Variants in SMCO2 observed in about 807,000 individuals in gnomAD.
SMCO2 encodes the protein single-pass membrane protein with coiled-coil domains 2, also known as single-pass membrane and coiled-coil domain-containing protein 2.
SMCO2 carries 25 observed loss-of-function variants against 29.5 expected under a neutral mutation model. That is an observed-to-expected ratio of 0.85 (90% confidence interval 0.62 to 1.18). SMCO2 has a LOEUF of 1.18. SMCO2 is among the 50% of genes most tolerant of loss of function. The probability of loss-of-function intolerance (pLI) is 0.00; values close to 1 mark genes in which losing one functional copy is unlikely to be tolerated. For synonymous variants in SMCO2, 117 were observed against 123.3 expected (o/e 0.95, Z 0.34); for missense variants, 348 against 344.5 (o/e 1.01, Z -0.08).
chr12:27,490,225 G>A (rs949660630), intron 5 of SMCO2, among the ~76,000 whole-genome samples: 4 of 152,212 alleles, frequency 2.6e-5, no homozygotes, highest in Admixed American at 2.6e-4. Flanking sequence ...TGAATCACAT[G>A]CATTACAGTA....
At chr12:27,428,818 C>CTTTTTTTT in the SMCO2 span, among the ~76,000 whole-genome samples, 2 of 130,046 alleles carry the variant, frequency 1.5e-5, no homozygotes, top group South Asian at 2.5e-4. Context: ...AATAAATGTA[C>CTTTTTTTT]TTTTTTTTTT....
the SMCO2 span, among the ~76,000 whole-genome samples, chr12:27,451,860 C>T: frequency 2.2e-4 from 33 of 152,352 alleles, no homozygotes; most frequent in South Asian, 2.1e-3. Flanking sequence ...CCCAACTACC[C>T]TCCTTCTTGC....
intron 4 of SMCO2, 37 bp from the exon 6 acceptor site, chr12:27,488,423 T>G (rs1355005988): frequency 3.2e-5 from 44 of 1,374,566 alleles, no homozygotes; most frequent in Non-Finnish European, 4.2e-5. Context: ...GTGATTTTTC[T>G]TAATCTGCAG....
Position 27,499,324 on chromosome 12 carries a change from A to G in SMCO2, c.684-2599A>G, listed in dbSNP as rs766726485. Among the ~76,000 whole-genome samples, 20 of 150,900 alleles carry G rather than the reference A, an allele frequency of 1.3e-4. 1 individual carries two copies. Among genetic ancestry groups the G allele is most frequent in the Non-Finnish European group, 2.1e-4 (14 of 67,932 alleles). ...GAAAACATTGTGCTCAGTGAAAGACAGCCAGACACAGAGGGATATCCAAAT... is the reference window on the plus strand; with the variant it reads ...GAAAACATTGTGCTCAGTGAAAGACGGCCAGACACAGAGGGATATCCAAAT... On this transcript the variant is annotated intron_variant, in intron 7 of 7. Coordinates refer to ENST00000298876, the Ensembl canonical transcript of SMCO2.
At chr12:27,451,889 C>T in the SMCO2 span, among the ~76,000 whole-genome samples, 347 of 152,312 alleles carry the variant, frequency 2.3e-3, no homozygotes, top group African/African-American at 8.0e-3. Context: ...CTAGAATCCT[C>T]CTGGGCCTGT....
the SMCO2 span, among the ~76,000 whole-genome samples, chr12:27,452,926 G>A: frequency 6.6e-6 from 1 of 152,148 alleles, no homozygotes; most frequent in African/African-American, 2.4e-5. Context: ...TATGGGCATC[G>A]TAGCTTTCTT....
rs182596689 is a variant in SMCO2, at chr12:27,497,931, G to A, written c.683+2076G>A. 9.0e-5 allele frequency: 30 copies of A among 333,446 alleles called. 2 individuals are homozygous for A. The highest frequency in any genetic ancestry group is 3.4e-4 in the East Asian group (4 of 11,640). The allele number at this position is 333,446 out of a possible 1,614,324, so 20.7% of individuals were successfully genotyped here. A position where few individuals can be genotyped will look rare whatever the true frequency, so the allele number is the denominator to read the frequency against. ...GATCCTAAAGTAACTAGAGTCTCCC[G>A]TGCTGGATTTGGTGTGTTGCTAGGG... On this transcript the variant is annotated intron_variant, in intron 7 of 7. Coordinates refer to ENST00000298876, the Ensembl canonical transcript of SMCO2.
At chr12:27,492,978 TA>T (rs1942944941) in intron 5 of SMCO2, among the ~76,000 whole-genome samples, 1 of 152,186 alleles carries the variant, frequency 6.6e-6, no homozygotes, top group South Asian at 2.1e-4. Flanking sequence ...GTGATACATA[TA>T]TACCATGGAA....
chr12:27,427,747 C>T, the SMCO2 span, among the ~76,000 whole-genome samples: 2 of 152,084 alleles, frequency 1.3e-5, no homozygotes, highest in Non-Finnish European at 2.9e-5. Flanking sequence ...AACCACACAG[C>T]GGGCTCTTCT....
At chr12:27,458,926 G>A in the SMCO2 span, among the ~76,000 whole-genome samples, 19 of 148,400 alleles carry the variant, frequency 1.3e-4, no homozygotes, top group African/African-American at 3.0e-4. Context: ...GGTGGCTCAC[G>A]CCTGTAATCC....
intron 4 of SMCO2, among the ~76,000 whole-genome samples, chr12:27,484,851 C>CA (rs35818629): frequency 0.014 from 1,014 of 72,928 alleles, 15 homozygotes; most frequent in Middle Eastern, 0.036. Flanking sequence ...GACTCCATCT[C>CA]AAAAAAAAAA....
chr12:27,433,937 G>A, the SMCO2 span, among the ~76,000 whole-genome samples: 1 of 152,166 alleles, frequency 6.6e-6, no homozygotes, highest in South Asian at 2.1e-4. Context: ...ACATGGTCTG[G>A]CTCTGTCACC....
At chr12:27,459,034 A>C in the SMCO2 span, among the ~76,000 whole-genome samples, 37 of 151,408 alleles carry the variant, frequency 2.4e-4, no homozygotes, top group Non-Finnish European at 5.5e-4. Flanking sequence ...AAAAATACAA[A>C]AAATTAGCTG....
At chr12:27,478,043 G>A (rs1486013019) in intron 4 of SMCO2, among the ~76,000 whole-genome samples, 1 of 152,054 alleles carries the variant, frequency 6.6e-6, no homozygotes, top group African/African-American at 2.4e-5. Flanking sequence ...CCAATTTTAT[G>A]CATTGGCTTT....
At chr12:27,488,860 G>T (rs1326299137) in intron 5 of SMCO2, among the ~76,000 whole-genome samples, 1 of 152,128 alleles carries the variant, frequency 6.6e-6, no homozygotes, top group Admixed American at 6.5e-5. Flanking sequence ...ACGGTACAGA[G>T]AATACATCCA....
At chr12:27,471,540 G>A (rs1368994541) in intron 2 of SMCO2, among the ~76,000 whole-genome samples, 1 of 152,114 alleles carries the variant, frequency 6.6e-6, no homozygotes, top group East Asian at 1.9e-4. Flanking sequence ...AAAAGCATAC[G>A]AGAGGGAACA....
the SMCO2 span, among the ~76,000 whole-genome samples, chr12:27,436,778 G>T: frequency 2.6e-5 from 4 of 152,344 alleles, no homozygotes; most frequent in East Asian, 7.7e-4. Context: ...AAGGTGGTAA[G>T]ATAGTGCCCC....
chr12:27,435,302 CG>C, the SMCO2 span, among the ~76,000 whole-genome samples: 56 of 15,090 alleles, frequency 3.7e-3, 19 homozygotes, highest in African/African-American at 8.9e-3. Context: ...CCCCCCCCCC[CG>C]GCAATTGTGA....
At chr12:27,450,886 A>G in the SMCO2 span, among the ~76,000 whole-genome samples, 1 of 152,184 alleles carries the variant, frequency 6.6e-6, no homozygotes, top group Non-Finnish European at 1.5e-5. Context: ...ATGTCCATGA[A>G]CGAGGCTATC....
Sources: allele counts gnomAD v4.1 joint callset (sites outside exome capture counted in the v4.1 genomes callset), GRCh38; gene constraint gnomAD v4.1.1; transcripts MANE v1.5; gene names NCBI Gene and HGNC (gene_info 2026-07-23, HGNC 2026-07-21).